Variants in ZNF608 observed in about 807,000 individuals in gnomAD.
The protein encoded by ZNF608 is renal carcinoma antigen NY-REN-36.
Under a neutral mutation model 109.0 loss-of-function variants are expected in ZNF608, and 12 were observed. The observed-to-expected ratio is 0.11, with a 90% CI of 0.07 to 0.18. The LOEUF is 0.18. ZNF608 is among the 10% of genes least tolerant of loss of function. The pLI is 1.00. For synonymous variants in ZNF608, 732 were observed against 717.4 expected (o/e 1.02, Z -0.33); for missense variants, 1,707 against 1,879.3 (o/e 0.91, Z 1.70).
chr5:124,639,819 A>T (rs1417973591), intron 8 of ZNF608, among the ~76,000 whole-genome samples: 1 of 152,236 alleles, frequency 6.6e-6, no homozygotes, highest in African/African-American at 2.4e-5. Context: ...GGAAAAATAG[A>T]GTAAACAAAT....
intron 3 of ZNF608, among the ~76,000 whole-genome samples, chr5:124,653,703 C>T (rs1750887818): frequency 6.6e-6 from 1 of 152,130 alleles, no homozygotes; most frequent in South Asian, 2.1e-4. Flanking sequence ...CAGTGATGGG[C>T]ACCTGGAGCA....
At chr5:124,706,813 C>T (rs1188841020) in intron 2 of ZNF608, among the ~76,000 whole-genome samples, 2 of 152,182 alleles carry the variant, frequency 1.3e-5, no homozygotes, top group African/African-American at 2.4e-5. Flanking sequence ...AACAGACGCG[C>T]GGCAGTCTCT....
At chr5:124,741,721 G>GA (rs1174797938) in intron 2 of ZNF608, among the ~76,000 whole-genome samples, 5 of 152,166 alleles carry the variant, frequency 3.3e-5, no homozygotes, top group Admixed American at 1.3e-4. Context: ...ACTAGTTAGT[G>GA]GAATTAGAGT....
chr5:124,693,375 G>C (rs1434525893), intron 3 of ZNF608, among the ~76,000 whole-genome samples: 1 of 152,118 alleles, frequency 6.6e-6, no homozygotes. Flanking sequence ...AGATTAAAAA[G>C]CAGAACAATA....
chr5:124,644,562 C>A lies in ZNF608; in HGVS notation c.3805G>T (p.Asp1269Tyr), dbSNP rs1347746424. 1.2e-6 allele frequency: 2 copies of A among 1,614,034 alleles called. No homozygotes were observed. The highest frequency in any genetic ancestry group is 1.7e-5 in the Admixed American group (1 of 60,008). ...ELDREKKLKEDSPRKTPNKES... is the reference protein window; with the variant it reads ...ELDREKKLKEYSPRKTPNKES... The stretch of plus-strand genomic sequence containing the variant: ...TTATTAGGAGTTTTCCTCGGACTAT[C>A]CTCTTTTAATTTCTTCTCTCTATCA... Residue 1269 changes from aspartate (D) to tyrosine (Y), a missense_variant, in exon 6 of 10, where the codon GAT (aspartate) becomes TAT (tyrosine). This residue lies in a region of ZNF608 where 1,073 missense variants were observed against 1,133.5 expected (regional missense o/e 0.95). Coordinates refer to ENST00000513986, the MANE Select transcript of ZNF608 (RefSeq NM_020747.3).
chr5:124,693,956 T>C (rs953306315), intron 3 of ZNF608, among the ~76,000 whole-genome samples: 4 of 145,892 alleles, frequency 2.7e-5, no homozygotes, highest in African/African-American at 5.0e-5. Context: ...TCTGTGAAGC[T>C]GGTAACATTT....
chr5:124,673,833 T>C (rs1339094855), intron 3 of ZNF608, among the ~76,000 whole-genome samples: 2 of 152,212 alleles, frequency 1.3e-5, no homozygotes, highest in Non-Finnish European at 1.5e-5. Context: ...ATGTAGTTTA[T>C]GATCATTTAA....
chr5:124,710,539 G>C (rs1293127709), intron 2 of ZNF608: 3 of 244,016 alleles, frequency 1.2e-5, no homozygotes, highest in Non-Finnish European at 2.5e-5. Context: ...TACAGAAGAA[G>C]ACAATTTTGA....
chr5:124,701,286 C>G lies in ZNF608; in HGVS notation c.907-17G>C. On this transcript the variant is annotated splice_polypyrimidine_tract_variant and intron_variant, in intron 2 of 9. Transcript: ENST00000513986. ...GGGGTCAACCTGAAAGACAGACAGG[C>G]TTACTGCAGTAGTGCTGCATTCCGT... 1 of 1,613,386 alleles carries G rather than the reference C, an allele frequency of 6.2e-7. No homozygotes were observed. Among genetic ancestry groups the G allele is most frequent in the Non-Finnish European group, 8.5e-7 (1 of 1,179,562 alleles).
intron 3 of ZNF608, among the ~76,000 whole-genome samples, chr5:124,673,472 A>T (rs1317031658): frequency 6.6e-6 from 1 of 152,194 alleles, no homozygotes; most frequent in East Asian, 1.9e-4. Flanking sequence ...CTTTTAATTT[A>T]TTTCCTAGTA....
upstream of ZNF608, among the ~76,000 whole-genome samples, chr5:124,747,168 CTT>C (rs375960252): frequency 6.6e-5 from 9 of 135,746 alleles, no homozygotes; most frequent in Admixed American, 7.4e-5. Context: ...TTTTTGTTTT[CTT>C]TTTTTTTTTT....
intron 2 of ZNF608, among the ~76,000 whole-genome samples, chr5:124,720,353 G>A (rs1753855839): frequency 6.6e-6 from 1 of 151,986 alleles, no homozygotes; most frequent in Non-Finnish European, 1.5e-5. Flanking sequence ...TGACTATGAG[G>A]TTTCTCTATC....
chr5:124,641,932 T>C (rs1213787475), intron 7 of ZNF608, among the ~76,000 whole-genome samples: 2 of 152,214 alleles, frequency 1.3e-5, no homozygotes, highest in African/African-American at 2.4e-5. Flanking sequence ...CTCTCAATTT[T>C]TGAACTCTCA....
chr5:124,744,370 G>A lies in ZNF608; in HGVS notation c.620C>T (p.Ala207Val). 1 of 1,614,216 alleles carries A rather than the reference G, an allele frequency of 6.2e-7. No individual in the cohort carries two copies. The highest frequency in any genetic ancestry group is 8.5e-7 in the Non-Finnish European group (1 of 1,180,050). The change falls in exon 2 of 10, where the codon GCG (alanine) becomes GTG (valine). Residue 207 changes from alanine to valine, a missense_variant. This residue lies in a region of ZNF608 where 407 missense variants were observed against 398.7 expected (regional missense o/e 1.02). Transcript: ENST00000513986. This position sits in a 1 kb window ranked among gnomAD's most constrained non-coding sequence, Gnocchi z 4.5. ...GTGCTTGTCCTTCCTGGATTTCCCC[G>A]CATCCTTATCCCGCTTGGCGCCTCG... ...SSRGAKRDKD[A>V]GKSRKDKHDL... is the part of the protein sequence containing the mutation.
chr5:124,738,859 G>A (rs1483932981), intron 2 of ZNF608, among the ~76,000 whole-genome samples: 1 of 152,100 alleles, frequency 6.6e-6, no homozygotes, highest in Non-Finnish European at 1.5e-5. Flanking sequence ...TCTCCCACAC[G>A]TCATTACCCA....
Position 124,729,720 on chromosome 5 carries a change from T to C in ZNF608, c.906+14364A>G, listed in dbSNP as rs538425208. Among the ~76,000 whole-genome samples the C allele has an allele frequency of 7.9e-5, 12 of 152,360 alleles. No individual in the cohort carries two copies. In the South Asian group the frequency reaches 2.5e-3, roughly 32 times the overall value. On this transcript the variant is annotated intron_variant, in intron 2 of 9. Coordinates refer to ENST00000513986, the MANE Select transcript of ZNF608 (RefSeq NM_020747.3). Reference sequence around the variant, plus strand: ...TGATCTGTGGTTACTTTTATTTCTTTTTTGTTGTTTACTTGTTGTTTCCCA... The same window carrying C: ...TGATCTGTGGTTACTTTTATTTCTTCTTTGTTGTTTACTTGTTGTTTCCCA...
chr5:124,654,499 A>G (rs960663665), intron 3 of ZNF608, among the ~76,000 whole-genome samples: 1 of 152,240 alleles, frequency 6.6e-6, no homozygotes, highest in Non-Finnish European at 1.5e-5. Flanking sequence ...ACTTCTGTGA[A>G]TCCTTGCCCT....
At chr5:124,670,277 T>C (rs1751659588) in intron 3 of ZNF608, among the ~76,000 whole-genome samples, 2 of 151,960 alleles carry the variant, frequency 1.3e-5, no homozygotes, top group East Asian at 1.9e-4. Context: ...TAAGATAAAA[T>C]GATGTGCTAA....
At position 124,637,061 on chromosome 5, in the gene ZNF608, C is replaced by T. The variant is rs1453943162; in HGVS notation, c.*839G>A. On this transcript the variant is annotated 3_prime_UTR_variant, in exon 10 of 10. Coordinates refer to ENST00000513986, the MANE Select transcript of ZNF608 (RefSeq NM_020747.3). ...TAACCAGGCAATGGCGTTAAAGTCT[C>T]TCTCTTCTAAAACTGGATAATTGTA... 6.7e-6 allele frequency: 1 copy of T among 150,122 alleles called. No homozygotes were observed. Among genetic ancestry groups the T allele is most frequent in the African/African-American group, 2.5e-5 (1 of 40,528 alleles). The allele number at this position is 150,122 out of a possible 1,614,324, so 9.3% of individuals were successfully genotyped here.
Sources: allele counts gnomAD v4.1 joint callset (sites outside exome capture counted in the v4.1 genomes callset), GRCh38; gene constraint gnomAD v4.1.1; regional missense constraint gnomAD v4.1.1; non-coding constraint Gnocchi (gnomAD v3.1); transcripts MANE v1.5; gene names NCBI Gene and HGNC (gene_info 2026-07-23, HGNC 2026-07-21).